The following LARP4 variants were observed in gnomAD, a reference collection of about 807,000 sequenced individuals.
LARP4 encodes La ribonucleoprotein 4.
A neutral mutation model predicts 92.9 loss-of-function variants in LARP4; 29 were observed. That is an observed-to-expected ratio of 0.31 (90% CI 0.23 to 0.43). The LOEUF (loss-of-function observed/expected upper bound fraction) is 0.43, where lower values mean the gene tolerates loss of function less well. Among genes scored for constraint, LARP4 ranks in the 20% least tolerant of loss-of-function variants. The probability of loss-of-function intolerance (pLI) is 1.00; values close to 1 mark genes in which losing one functional copy is unlikely to be tolerated. For synonymous variants in LARP4, 279 were observed against 284.1 expected, an observed-to-expected ratio of 0.98 and a Z score of 0.18; for missense variants, 732 against 860.0, an observed-to-expected ratio of 0.85 and a Z score of 1.86.
At chr12:50,423,264 T>C (rs560883439) in intron 1 of LARP4, among the ~76,000 whole-genome samples, 3 of 152,346 alleles carry the variant, frequency 2.0e-5, no homozygotes, top group Admixed American at 6.5e-5. Flanking sequence ...TATAGCATTC[T>C]ATAGTCATCT....
At chr12:50,440,842 C>G (rs1227153510) in intron 7 of LARP4, among the ~76,000 whole-genome samples, 1 of 151,120 alleles carries the variant, frequency 6.6e-6, no homozygotes, top group Non-Finnish European at 1.5e-5. Flanking sequence ...CATAATAGGT[C>G]TGCAATAAAC....
Position 50,474,031 on chromosome 12 carries a change from A to G in LARP4, c.1700A>G (p.Asp567Gly). ...CAGCAAGAAAAGGATCTAATAGAAG[A>G]TTCCTCTGTTCAGAAGGATGGTCTC... ...TTQQEKDLIE[D>G]SSVQKDGLNQ... Residue 567 changes from aspartate (D) to glycine (G), a missense_variant, in exon 15 of 16, where the codon GAT (aspartate) becomes GGT (glycine). This residue lies in a region of LARP4 where 97 missense variants were observed against 85.9 expected (regional missense o/e 1.13). Coordinates refer to ENST00000398473, the MANE Select transcript of LARP4 (RefSeq NM_052879.5). 6.2e-7 allele frequency: 1 copy of G among 1,612,086 alleles called. No individual in the cohort carries two copies. The highest frequency in any genetic ancestry group is 8.5e-7 in the Non-Finnish European group (1 of 1,179,912).
intron 11 of LARP4, among the ~76,000 whole-genome samples, chr12:50,461,883 A>G (rs897258152): frequency 6.6e-6 from 1 of 152,154 alleles, no homozygotes; most frequent in South Asian, 2.1e-4. Flanking sequence ...ACTTGAACCC[A>G]GGAGGCAGAG....
intron 1 of LARP4, among the ~76,000 whole-genome samples, chr12:50,403,033 C>T (rs1231358788): frequency 6.6e-6 from 1 of 152,030 alleles, no homozygotes; most frequent in Non-Finnish European, 1.5e-5. Context: ...ATATTTGATC[C>T]CTGTAACCTC....
At chr12:50,407,282 C>T (rs1261333695) in intron 1 of LARP4, among the ~76,000 whole-genome samples, 1 of 152,124 alleles carries the variant, frequency 6.6e-6, no homozygotes, top group African/African-American at 2.4e-5. Flanking sequence ...CCTCGGCCTC[C>T]CAAAGTGCTG....
Position 50,401,010 on chromosome 12 carries a change from C to G in LARP4, c.-1C>G. The G allele has an allele frequency of 6.2e-7, 1 of 1,614,142 alleles. No homozygotes were observed. The highest frequency in any genetic ancestry group is 8.5e-7 in the Non-Finnish European group (1 of 1,180,020). Reference sequence around the variant, plus strand: ...AACGATTGGGCTGAGCAGAGGACGACATGTTGCTTTTCGTGGAGGTGAGTG... The same window carrying G: ...AACGATTGGGCTGAGCAGAGGACGAGATGTTGCTTTTCGTGGAGGTGAGTG... On this transcript the variant is annotated 5_prime_UTR_variant, in exon 1 of 16. Transcript: ENST00000398473.
At position 50,476,590 on chromosome 12, in the gene LARP4, T is replaced by C. The variant is rs1479805272; in HGVS notation, c.*726T>C. On this transcript the variant is annotated 3_prime_UTR_variant, in exon 16 of 16. Coordinates refer to ENST00000398473, the MANE Select transcript of LARP4 (RefSeq NM_052879.5). ...ATGTGACTACCAATCAGTTTGATAC[T>C]CAAGGAAAGGGGGTTATTCAAGAAA... 6.6e-6 allele frequency: 1 copy of C among 152,628 alleles called. No individual in the cohort carries two copies. The highest frequency in any genetic ancestry group is 1.5e-5 in the Non-Finnish European group (1 of 68,038). The allele number at this position is 152,628 out of a possible 1,614,324, so 9.5% of individuals were successfully genotyped here.
chr12:50,437,524 A>G (rs192331490), intron 5 of LARP4, among the ~76,000 whole-genome samples: 352 of 152,312 alleles, frequency 2.3e-3, no homozygotes, highest in African/African-American at 8.2e-3. Flanking sequence ...TGTTTTTTCA[A>G]TGAATAACAT....
chr12:50,415,752 G>A (rs1565952061), intron 1 of LARP4: 3 of 147,434 alleles, frequency 2.0e-5, no homozygotes, highest in South Asian at 4.3e-4. Flanking sequence ...GCGGTGTCAC[G>A]ATCTCGGCTC....
chr12:50,452,426 C>T (rs749529526), intron 8 of LARP4, among the ~76,000 whole-genome samples: 6 of 152,094 alleles, frequency 3.9e-5, no homozygotes, highest in Admixed American at 3.9e-4. Flanking sequence ...AAGTGCTTTG[C>T]CCGCCTCAAC....
intron 5 of LARP4, among the ~76,000 whole-genome samples, chr12:50,437,168 A>G (rs1950565004): frequency 1.3e-5 from 2 of 152,230 alleles, no homozygotes; most frequent in South Asian, 4.1e-4. Context: ...TATATTTAGT[A>G]TAATATTTCC....
intron 6 of LARP4, 49 bp from the exon 7 acceptor site, chr12:50,440,390 A>C (rs1352498586): frequency 5.2e-6 from 7 of 1,343,004 alleles, no homozygotes; most frequent in Non-Finnish European, 7.5e-6. Context: ...AAAAAATGCC[A>C]ATTATTGATG....
chr12:50,426,687 GTGTGT>G (rs1565986369), intron 1 of LARP4, among the ~76,000 whole-genome samples: 3,564 of 81,012 alleles, frequency 0.044, 209 homozygotes, highest in African/African-American at 0.15. Context: ...TGTTTGGGGT[GTGTGT>G]GTGTGTGTGT....
chr12:50,462,731 G>A, intron 12 of LARP4, 101 bp downstream of exon 12: 2 of 813,296 alleles, frequency 2.5e-6, no homozygotes, highest in South Asian at 1.7e-5. Flanking sequence ...TTTATTGATT[G>A]TAGTCTTCAG....
At chr12:50,449,229 G>GC (rs1315895624) in intron 8 of LARP4, among the ~76,000 whole-genome samples, 3 of 152,144 alleles carry the variant, frequency 2.0e-5, no homozygotes, top group Non-Finnish European at 4.4e-5. Flanking sequence ...TGGCGGCAGA[G>GC]CAAGACTGTG....
At position 50,479,946 on chromosome 12, in the gene LARP4, C is replaced by T. The variant is rs1593542507; in HGVS notation, c.*4082C>T. On this transcript the variant is annotated 3_prime_UTR_variant, in exon 16 of 16. Coordinates refer to ENST00000398473, the MANE Select transcript of LARP4 (RefSeq NM_052879.5). ...TTGTATTTGTATTTGTTTTCAACAT[C>T]GCCAAGGTGCTATGGGAAATTAACA... 6.6e-6 allele frequency: 1 copy of T among 152,198 alleles called. No homozygotes were observed. The highest frequency in any genetic ancestry group is 2.4e-5 in the African/African-American group (1 of 41,334). The allele number at this position is 152,198 out of a possible 1,614,324, so 9.4% of individuals were successfully genotyped here.
At chr12:50,436,176 A>G (rs199594291) in intron 5 of LARP4, among the ~76,000 whole-genome samples, 257 of 12,910 alleles carry the variant, frequency 0.02, 2 homozygotes, top group Non-Finnish European at 0.028. Context: ...GTGTGTATGT[A>G]TATATATATA....
In LARP4 at chr12:50,473,270, G is replaced by T. The variant is rs1027208136; in HGVS notation, c.1546-145G>T. 1.3e-5 allele frequency: 8 copies of T among 597,098 alleles called. No individual in the cohort carries two copies. The Admixed American group carries it at 2.3e-4, about 17-fold the overall frequency. 37.0% of individuals were successfully genotyped at this position (597,098 alleles called of 1,614,324 possible). Reference sequence around the variant, plus strand: ...TTTTTAATTATAACCATCCTTGTGGGTATGAAGTGATTTTTCACCGTGGTT... The same window carrying T: ...TTTTTAATTATAACCATCCTTGTGGTTATGAAGTGATTTTTCACCGTGGTT... On this transcript the variant is annotated intron_variant, in intron 13 of 15. Coordinates refer to ENST00000398473, the MANE Select transcript of LARP4 (RefSeq NM_052879.5).
At chr12:50,424,196 C>A (rs1014233777) in intron 1 of LARP4, among the ~76,000 whole-genome samples, 1 of 152,084 alleles carries the variant, frequency 6.6e-6, no homozygotes, top group Non-Finnish European at 1.5e-5. Context: ...TAATGAAAAC[C>A]CAACTCTGCC....
Sources: allele counts gnomAD v4.1 joint callset (sites outside exome capture counted in the v4.1 genomes callset), GRCh38; gene constraint gnomAD v4.1.1; regional missense constraint gnomAD v4.1.1; transcripts MANE v1.5; gene names NCBI Gene and HGNC (gene_info 2026-07-23, HGNC 2026-07-21).